The following MYH9 variants were observed in gnomAD, a reference collection of about 807,000 sequenced individuals.
MYH9 encodes the protein myosin-9.
In MYH9, 29 loss-of-function variants were observed where a neutral mutation model predicts 241.9. The ratio of observed to expected loss-of-function variants is 0.12; its 90% CI spans 0.09 to 0.16. The LOEUF (loss-of-function observed/expected upper bound fraction) is 0.16. Among genes scored for constraint, MYH9 ranks in the 10% least tolerant of loss-of-function variants. The pLI is 1.00. For synonymous variants in MYH9, 1,047 were observed against 1,062.6 expected (o/e 0.99, Z 0.29); for missense variants, 1,803 against 2,595.5 (o/e 0.69, Z 6.63).
At chr22:36,318,389 C>A in intron 10 of MYH9, 64 bp from the exon 11 acceptor site, 2 of 1,279,232 alleles carry the variant, frequency 1.6e-6, no homozygotes, top group Non-Finnish European at 2.3e-6. Flanking sequence ...AGAGAAAGTT[C>A]TAATTAGACC....
rs2016626792 is a variant in MYH9, at chr22:36,288,419, G to A, written c.4771-6C>T. 2 of 1,607,848 alleles carry A rather than the reference G, an allele frequency of 1.2e-6. No individual in the cohort carries two copies. Among genetic ancestry groups the A allele is most frequent in the African/African-American group, 1.3e-5 (1 of 74,810 alleles). ...TCTGCCTCCATCTCCCGCACCTGGG[G>A]GAAGGAACATCAACAACTTGGGAAG... is the stretch of plus-strand genomic sequence containing the variant. On this transcript the variant is annotated splice_region_variant and splice_polypyrimidine_tract_variant and intron_variant, in intron 33 of 40. Transcript: ENST00000216181. This position sits in a 1 kb window ranked among gnomAD's most constrained non-coding sequence, Gnocchi z 4.8.
chr22:36,284,548 TC>T (rs1434974061), intron 38 of MYH9, 37 bp from the exon 39 acceptor site: 1 of 1,596,158 alleles, frequency 6.3e-7, no homozygotes, highest in Non-Finnish European at 8.6e-7. Flanking sequence ...GGGAACACCC[TC>T]CTTCAGAGGG....
Position 36,297,134 on chromosome 22 carries a change from AACAC to A in MYH9, c.3101-124_3101-121del, listed in dbSNP as rs1273119306. On this transcript the variant is annotated intron_variant, in intron 24 of 40. Coordinates refer to ENST00000216181, the MANE Select transcript of MYH9 (RefSeq NM_002473.6). The stretch of plus-strand genomic sequence containing the variant: ...CGTGTGTCAGGCTTAAAGCATCACA[AACAC>A]ACAGACACTCGCACCCAACTCCTGG... 6.8e-6 allele frequency: 8 copies of A among 1,181,344 alleles called. No individual in the cohort carries two copies. The Admixed American group carries it at 1.6e-4, about 24-fold the overall frequency. The allele number at this position is 1,181,344 out of a possible 1,614,324, so 73.2% of individuals were successfully genotyped here.
Position 36,282,628 on chromosome 22 carries a change from G to A in MYH9, c.*40C>T. 3 of 1,581,436 alleles carry A rather than the reference G, an allele frequency of 1.9e-6. No homozygotes were observed. The highest frequency in any genetic ancestry group is 2.2e-5 in the South Asian group (2 of 90,482). ...GGGTCTGGGAAGGGGAGGCTGTGGT[G>A]TCTGTCTGTCCATCCATCTCAGGCT... On this transcript the variant is annotated 3_prime_UTR_variant, in exon 41 of 41. Transcript: ENST00000216181.
At chr22:36,351,990 C>T (rs1272831213) in intron 1 of MYH9, among the ~76,000 whole-genome samples, 2 of 152,170 alleles carry the variant, frequency 1.3e-5, no homozygotes, top group African/African-American at 4.8e-5. Context: ...GCTGTCTCAT[C>T]ATCCCCAATT....
chr22:36,316,374 C>A, intron 12 of MYH9, 143 bp downstream of exon 12: 1 of 1,215,296 alleles, frequency 8.2e-7, no homozygotes, highest in Non-Finnish European at 1.2e-6. Flanking sequence ...AAAAACAACC[C>A]CACACCCAAC....
rs184559250 is a variant in MYH9 at position 36,324,889 on chromosome 22, G to A, written c.612+1679C>T. 49 of 589,280 alleles carry A rather than the reference G, an allele frequency of 8.3e-5. No homozygotes were observed. The African/African-American group carries it at 8.8e-4, about 11-fold the overall frequency. The allele number at this position is 589,280 out of a possible 1,614,324, so 36.5% of individuals were successfully genotyped here. A position where few individuals can be genotyped will look rare whatever the true frequency, so the allele number is the denominator to read the frequency against. On this transcript the variant is annotated intron_variant, in intron 5 of 40. Coordinates refer to ENST00000216181, the MANE Select transcript of MYH9 (RefSeq NM_002473.6). Reference sequence around the variant, plus strand: ...CAGCATGCTGTCTTTGCTGAGTGCTGCCTTCCCCTCTACAACAGGAACCCC... The same window carrying A: ...CAGCATGCTGTCTTTGCTGAGTGCTACCTTCCCCTCTACAACAGGAACCCC...
At position 36,285,470 on chromosome 22, in the gene MYH9, A is replaced by G; in HGVS notation, c.5275-141T>C. Reference sequence around the variant, plus strand: ...TGGGTCTCCCAGAAAAGGGAAGATTAGAAACTTCTGAACACCCAACACAGA... The same window carrying G: ...TGGGTCTCCCAGAAAAGGGAAGATTGGAAACTTCTGAACACCCAACACAGA... On this transcript the variant is annotated intron_variant, in intron 37 of 40. Transcript: ENST00000216181. The surrounding 1 kb of genome is among the most constrained non-coding windows in gnomAD (Gnocchi z 7.0). 1 of 1,309,458 alleles carries G rather than the reference A, an allele frequency of 7.6e-7. No individual in the cohort carries two copies. The highest frequency in any genetic ancestry group is 1.2e-5 in the South Asian group (1 of 82,364). The allele number at this position is 1,309,458 out of a possible 1,614,324, so 81.1% of individuals were successfully genotyped here.
Position 36,349,213 on chromosome 22 carries a change from C to A in MYH9, c.24G>T (p.Lys8Asn). 1 of 1,614,222 alleles carries A rather than the reference C, an allele frequency of 6.2e-7. No homozygotes were observed. The highest frequency in any genetic ancestry group is 1.6e-4 in the Middle Eastern group (1 of 6,062). ...TGAAGTTTTTATCCACATAGAGATA[C>A]TTATCGGCAGCTTGCTGTGCCATGG... MAQQAADKYLYVDKNFIN... is the reference protein window; with the variant it reads MAQQAADNYLYVDKNFIN... The change falls in exon 2 of 41, where the codon AAG (lysine) becomes AAT (asparagine). Residue 8 changes from lysine to asparagine, a missense_variant. Physicochemically the swap from Lys to Asn is moderately conservative, Grantham distance 94. Transcript: ENST00000216181.
At position 36,300,286 on chromosome 22, in the gene MYH9, G is replaced by A; in HGVS notation, c.2839-22C>T. 6.2e-7 allele frequency: 1 copy of A among 1,611,412 alleles called. No homozygotes were observed. The highest frequency in any genetic ancestry group is 8.5e-7 in the Non-Finnish European group (1 of 1,180,024). ...GCTCCTGCCGGGGGCCAGAGACACG[G>A]TAAGGACAGCAGGCCCAGAGGCATG... On this transcript the variant is annotated intron_variant, in intron 22 of 40. Coordinates refer to ENST00000216181, the MANE Select transcript of MYH9 (RefSeq NM_002473.6). The surrounding 1 kb of genome is among the most constrained non-coding windows in gnomAD (Gnocchi z 5.0).
At position 36,309,410 on chromosome 22, in the gene MYH9, A is replaced by G. The variant is rs1190850889; in HGVS notation, c.1729-14T>C. The G allele has an allele frequency of 4.4e-6, 7 of 1,601,520 alleles. No homozygotes were observed. Among genetic ancestry groups the G allele is most frequent in the Non-Finnish European group, 6.0e-6 (7 of 1,168,578 alleles). On this transcript the variant is annotated splice_polypyrimidine_tract_variant and intron_variant, in intron 14 of 40. Transcript: ENST00000216181. ...TTTGTAATCCACCTGGCGGGGTCAGAGAGGCAGGAGTCACAAGCTGCGCTG... is the reference window on the plus strand; with the variant it reads ...TTTGTAATCCACCTGGCGGGGTCAGGGAGGCAGGAGTCACAAGCTGCGCTG...
rs113860530 is a variant in MYH9, at chr22:36,289,319, T to C, written c.4345-22A>G. 1.6e-5 allele frequency: 26 copies of C among 1,594,556 alleles called. No individual in the cohort carries two copies. In the African/African-American group the frequency reaches 2.0e-4, roughly 12 times the overall value. The stretch of plus-strand genomic sequence containing the variant: ...GGAGCTGGGAAAGAGGTGGGCACCA[T>C]GAGGCTCAGAGCTACGGCCCCCAGC... On this transcript the variant is annotated intron_variant, in intron 31 of 40. Coordinates refer to ENST00000216181, the MANE Select transcript of MYH9 (RefSeq NM_002473.6).
chr22:36,308,716 G>GA (rs1475435558), intron 15 of MYH9: 3 of 602,598 alleles, frequency 5.0e-6, no homozygotes, highest in African/African-American at 4.7e-5. Context: ...GCCAAGGCAA[G>GA]GGGGGGCGCG....
Position 36,285,335 on chromosome 22 carries a change from G to A in MYH9, c.5275-6C>T. ...TCGGTGTTGATCTGGTCGATCTGCA[G>A]AAGAAGGGCCAGTGACCTTGGGGAG... On this transcript the variant is annotated splice_polypyrimidine_tract_variant and splice_region_variant and intron_variant, in intron 37 of 40. Transcript: ENST00000216181. The surrounding 1 kb of genome is among the most constrained non-coding windows in gnomAD (Gnocchi z 7.0). 1.2e-6 allele frequency: 2 copies of A among 1,607,030 alleles called. No homozygotes were observed. The highest frequency in any genetic ancestry group is 1.7e-6 in the Non-Finnish European group (2 of 1,179,948).
chr22:36,355,756 G>T (rs571133392), intron 1 of MYH9, among the ~76,000 whole-genome samples: 1 of 152,192 alleles, frequency 6.6e-6, no homozygotes, highest in Non-Finnish European at 1.5e-5. Context: ...ACTCAGCCCC[G>T]TGTGGCTTCA....
At position 36,320,633 on chromosome 22, in the gene MYH9, A is replaced by G. The variant is rs1375153161; in HGVS notation, c.868+165T>C. ...TTTCTCTGGCATGGTCAGAAACAGA[A>G]GACCAAGTCCTTAGGATGGCGCAGA... On this transcript the variant is annotated intron_variant, in intron 8 of 40. Coordinates refer to ENST00000216181, the MANE Select transcript of MYH9 (RefSeq NM_002473.6). This position sits in a 1 kb window ranked among gnomAD's most constrained non-coding sequence, Gnocchi z 4.8. 1.3e-5 allele frequency among the ~76,000 whole-genome samples: 2 copies of G among 152,222 alleles called. No homozygotes were observed. Among genetic ancestry groups the G allele is most frequent in the Non-Finnish European group, 2.9e-5 (2 of 68,034 alleles).
At chr22:36,324,015 C>T (rs941459667) in intron 5 of MYH9, among the ~76,000 whole-genome samples, 2 of 152,240 alleles carry the variant, frequency 1.3e-5, no homozygotes, top group African/African-American at 4.8e-5. Flanking sequence ...CTCCCCCACC[C>T]ACTACGCCGT....
chr22:36,377,760 A>G (rs2018193290), intron 1 of MYH9, among the ~76,000 whole-genome samples: 1 of 151,966 alleles, frequency 6.6e-6, no homozygotes, highest in Admixed American at 6.5e-5. Context: ...ATACAAAAAA[A>G]TTAGCCGGGC....
chr22:36,301,129 C>G, intron 21 of MYH9, 72 bp from the exon 22 acceptor site: 1 of 1,450,868 alleles, frequency 6.9e-7, no homozygotes, highest in Non-Finnish European at 9.6e-7. Context: ...AGGACGGACG[C>G]CATGGCTCGG....
Sources: gnomAD v4.1 joint callset for allele counts (sites outside exome capture counted in the v4.1 genomes callset) on GRCh38, gnomAD v4.1.1 for gene constraint, Gnocchi (gnomAD v3.1) non-coding constraint, MANE v1.5 for transcripts, NCBI Gene and HGNC (gene_info 2026-07-23, HGNC 2026-07-21) for gene names.